ABCG2: variants seen among roughly 807,000 people sequenced by gnomAD.
ABCG2 encodes the protein ATP binding cassette subfamily G member 2 (JR blood group).
Under a neutral mutation model 73.5 loss-of-function variants are expected in ABCG2, and 80 were observed. That is an observed-to-expected ratio of 1.09 (90% CI 0.91 to 1.31). The LOEUF is 1.31. Among genes scored for constraint, ABCG2 ranks in the 50% most tolerant of loss-of-function variants. ABCG2 has a pLI of 0.00. For synonymous variants in ABCG2, 269 were observed against 282.4 expected (o/e 0.95, Z 0.48); for missense variants, 796 against 786.2 (o/e 1.01, Z -0.15).
At chr4:88,127,096 A>C (rs1396853731) in intron 5 of ABCG2, among the ~76,000 whole-genome samples, 1 of 152,238 alleles carries the variant, frequency 6.6e-6, no homozygotes, top group African/African-American at 2.4e-5. Context: ...ATACAAAATC[A>C]ATGTGCAAAA....
At chr4:88,120,801 G>A (rs1360233618) in intron 6 of ABCG2, among the ~76,000 whole-genome samples, 5 of 152,106 alleles carry the variant, frequency 3.3e-5, no homozygotes, top group Admixed American at 2.0e-4. Flanking sequence ...GATGAAATGA[G>A]TTAAGACTCT....
rs372015435 is a variant in ABCG2 at position 88,107,323 on chromosome 4, T to G, written c.1195-57A>C. On this transcript the variant is annotated intron_variant, in intron 9 of 15. Coordinates refer to ENST00000237612, the MANE Select transcript of ABCG2 (RefSeq NM_004827.3). ...AAGAGTTTCAATTAGAGATAAAAAC[T>G]TATACACACCATTTATTAGTATAAT... 3.0e-5 allele frequency: 35 copies of G among 1,181,778 alleles called. No homozygotes were observed. The African/African-American group carries it at 5.3e-4, about 18-fold the overall frequency. 73.2% of individuals were successfully genotyped at this position (1,181,778 alleles called of 1,614,324 possible).
chr4:88,197,262 C>A, intron 1 of ABCG2, among the ~76,000 whole-genome samples: 1 of 150,934 alleles, frequency 6.6e-6, no homozygotes, highest in East Asian at 1.9e-4. Flanking sequence ...GCATTAGAAC[C>A]AGACACAGAT....
intron 1 of ABCG2, among the ~76,000 whole-genome samples, chr4:88,187,503 C>T (rs980425655): frequency 3.3e-5 from 5 of 151,960 alleles, no homozygotes; most frequent in Non-Finnish European, 7.4e-5. Context: ...ATCCCAGCTA[C>T]TCGGGAGGCT....
intron 2 of ABCG2, among the ~76,000 whole-genome samples, chr4:88,135,681 A>G (rs1725199815): frequency 1.3e-5 from 2 of 152,322 alleles, no homozygotes; most frequent in South Asian, 4.1e-4. Context: ...CTGAGGATTT[A>G]CCTGTGTCAC....
intron 1 of ABCG2, among the ~76,000 whole-genome samples, chr4:88,147,236 GCAGGAGGATCTCTTGAGCA>G (rs367915090): frequency 1.8e-3 from 278 of 152,296 alleles, no homozygotes; most frequent in African/African-American, 6.4e-3. Flanking sequence ...TGAGGCTGAG[GCAGGAGGATCTCTTGAGCA>G]CAGGAGATCA....
intron 9 of ABCG2, 62 bp from the exon 10 acceptor site, chr4:88,107,328 C>T: frequency 9.1e-7 from 1 of 1,099,222 alleles, no homozygotes; most frequent in Non-Finnish European, 1.3e-6. Flanking sequence ...AAAACTTATA[C>T]ACACCATTTA....
Position 88,158,543 on chromosome 4 carries a change from C to T in ABCG2, c.-177G>A, listed in dbSNP as rs754839359. The T allele has an allele frequency of 6.6e-6, 3 of 456,354 alleles. No individual in the cohort carries two copies. Among genetic ancestry groups the T allele is most frequent in the Non-Finnish European group, 1.3e-5 (3 of 226,984 alleles). 28.3% of individuals were successfully genotyped at this position (456,354 alleles called of 1,614,324 possible). A position where few individuals can be genotyped will look rare whatever the true frequency, so the allele number is the denominator to read the frequency against. On this transcript the variant is annotated 5_prime_UTR_variant, in exon 1 of 16. The change creates a new upstream start codon in the 5' untranslated region. Coordinates refer to ENST00000237612, the MANE Select transcript of ABCG2 (RefSeq NM_004827.3). ...CAGCAGTTTCCACTTAACAAGACCA[C>T]CAAGCATGTGCACGGTGCGTTCCTA...
chr4:88,114,420 A>G (rs1308130258), intron 8 of ABCG2, among the ~76,000 whole-genome samples: 1 of 152,102 alleles, frequency 6.6e-6, no homozygotes, highest in Non-Finnish European at 1.5e-5. Flanking sequence ...TGAGGTCAGG[A>G]GTTTGAAACC....
At chr4:88,143,006 T>C (rs922686215) in intron 1 of ABCG2, among the ~76,000 whole-genome samples, 1 of 152,130 alleles carries the variant, frequency 6.6e-6, no homozygotes, top group East Asian at 1.9e-4. Context: ...ACACAACATA[T>C]ACAGAATTTT....
chr4:88,097,533 T>C lies in ABCG2; in HGVS notation c.1567A>G (p.Met523Val). ...LMMVAYSASS[M>V]ALAIAAGQSV... is the part of the protein sequence containing the mutation. ...TGACCTGCTGCTATGGCCAGTGCCA[T>C]GGAACTGGCTGAATAAGCCACCATC... Residue 523 changes from methionine to valine, a missense_variant, in exon 13 of 16, where the codon ATG becomes GTG. Met to Val is a conservative substitution (Grantham distance 21). Coordinates refer to ENST00000237612, the MANE Select transcript of ABCG2 (RefSeq NM_004827.3). 1 of 1,614,196 alleles carries C rather than the reference T, an allele frequency of 6.2e-7. No individual in the cohort carries two copies. Among genetic ancestry groups the C allele is most frequent in the African/African-American group, 1.3e-5 (1 of 75,058 alleles).
intron 1 of ABCG2, among the ~76,000 whole-genome samples, chr4:88,194,744 C>G (rs1728871550): frequency 6.6e-6 from 1 of 151,930 alleles, no homozygotes; most frequent in Admixed American, 6.6e-5. Flanking sequence ...GCTGTAGGCA[C>G]GAAGGCTGAC....
At chr4:88,162,176 C>A (rs955645248), upstream of ABCG2, among the ~76,000 whole-genome samples, 3 of 151,892 alleles carry the variant, frequency 2.0e-5, no homozygotes, top group Non-Finnish European at 4.4e-5. Context: ...CAGAGTGAGA[C>A]CCCACTCTAA....
intron 1 of ABCG2, among the ~76,000 whole-genome samples, chr4:88,202,239 G>A (rs887631909): frequency 3.3e-5 from 5 of 150,732 alleles, no homozygotes; most frequent in African/African-American, 1.2e-4. Context: ...GGCGTTATGT[G>A]ATGACTCACA....
chr4:88,170,616 C>G (rs1727721149), intron 1 of ABCG2, among the ~76,000 whole-genome samples: 1 of 152,252 alleles, frequency 6.6e-6, no homozygotes, highest in African/African-American at 2.4e-5. Flanking sequence ...CTCCGGCATT[C>G]AAAGCCCCTC....
intron 7 of ABCG2, among the ~76,000 whole-genome samples, chr4:88,115,284 AATTT>A (rs1723494975): frequency 1.4e-5 from 1 of 73,176 alleles, no homozygotes; most frequent in Non-Finnish European, 2.6e-5. Context: ...ATATATATAT[AATTT>A]ATTTATTTAT....
chr4:88,158,654 G>C (rs1173789207), upstream of ABCG2: 1 of 456,036 alleles, frequency 2.2e-6, no homozygotes, highest in African/African-American at 2.0e-5. Flanking sequence ...CTTCCCTCCT[G>C]CGCGCCCGGA....
chr4:88,191,545 T>A (rs1728694555), intron 1 of ABCG2, among the ~76,000 whole-genome samples: 1 of 151,276 alleles, frequency 6.6e-6, no homozygotes, highest in Non-Finnish European at 1.5e-5. Flanking sequence ...GGAAAACAGT[T>A]TGGCAGTTTC....
At chr4:88,177,797 G>A (rs1728070782) in intron 1 of ABCG2, among the ~76,000 whole-genome samples, 1 of 152,078 alleles carries the variant, frequency 6.6e-6, no homozygotes, top group Admixed American at 6.5e-5. Context: ...ATGGGACTTC[G>A]CATTGGAACT....
Sources: allele counts gnomAD v4.1 joint callset (sites outside exome capture counted in the v4.1 genomes callset), GRCh38; gene constraint gnomAD v4.1.1; transcripts MANE v1.5; gene names NCBI Gene and HGNC (gene_info 2026-07-23, HGNC 2026-07-21).